PTPRN2: variants seen among roughly 807,000 people sequenced by gnomAD.
The protein encoded by PTPRN2 is receptor-type tyrosine-protein phosphatase N2.
PTPRN2 carries 74 observed loss-of-function variants against 118.8 expected under a neutral mutation model. That is an observed-to-expected ratio of 0.62 (90% confidence interval 0.52 to 0.76). The LOEUF is 0.76. Ranked by LOEUF, PTPRN2 falls within the 30% of genes least tolerant of loss-of-function variation. The pLI, the probability that PTPRN2 is intolerant of heterozygous loss-of-function variation, is 0.00. For synonymous variants in PTPRN2, 641 were observed against 608.0 expected (o/e 1.05, Z -0.80); for missense variants, 1,481 against 1,394.4 (o/e 1.06, Z -0.99).
chr7:157,712,523 G>A (rs1182219963), intron 12 of PTPRN2, among the ~76,000 whole-genome samples: 1 of 152,088 alleles, frequency 6.6e-6, no homozygotes, highest in Non-Finnish European at 1.5e-5. Flanking sequence ...GGCTGAGGCG[G>A]GCGGATCACC....
At chr7:158,439,537 G>A (rs1042723902) in intron 2 of PTPRN2, among the ~76,000 whole-genome samples, 1 of 152,156 alleles carries the variant, frequency 6.6e-6, no homozygotes, top group Non-Finnish European at 1.5e-5. Flanking sequence ...GTAAGATGAG[G>A]AGGAGGAAAC....
intron 11 of PTPRN2, among the ~76,000 whole-genome samples, chr7:158,021,180 C>A (rs779309518): frequency 6.6e-6 from 1 of 152,262 alleles, no homozygotes; most frequent in African/African-American, 2.4e-5. Context: ...GAATTTCCTC[C>A]AATTTGTTGA....
chr7:157,850,774 A>G (rs1809217883), intron 12 of PTPRN2, among the ~76,000 whole-genome samples: 1 of 152,316 alleles, frequency 6.6e-6, no homozygotes, highest in South Asian at 2.1e-4. Context: ...TCTTCACACC[A>G]CAAGCGGCCA....
At chr7:158,487,345 C>CA (rs974683858) in intron 2 of PTPRN2, among the ~76,000 whole-genome samples, 1 of 152,124 alleles carries the variant, frequency 6.6e-6, no homozygotes, top group African/African-American at 2.4e-5. Context: ...TTTAGGAAAC[C>CA]ACCATACTGT....
intron 6 of PTPRN2, among the ~76,000 whole-genome samples, chr7:158,158,228 G>A (rs550066875): frequency 6.6e-6 from 1 of 152,338 alleles, no homozygotes; most frequent in East Asian, 1.9e-4. Flanking sequence ...AGTGACAGAA[G>A]CATTGGTATC....
In PTPRN2 at chr7:158,546,777, G is replaced by A. The variant is rs1324709456; in HGVS notation, c.112+40781C>T. Among the ~76,000 whole-genome samples the A allele has an allele frequency of 6.6e-6, 1 of 152,242 alleles. No homozygotes were observed. The highest frequency in any genetic ancestry group is 1.5e-5 in the Non-Finnish European group (1 of 68,030). Reference sequence around the variant, plus strand: ...CGGCCAGCGCCTGCCAAGTTCTTGTGAGTTGAGCACGTCTCACGTATGCAC... The same window carrying A: ...CGGCCAGCGCCTGCCAAGTTCTTGTAAGTTGAGCACGTCTCACGTATGCAC... On this transcript the variant is annotated intron_variant, in intron 1 of 22. Coordinates refer to ENST00000389418, the MANE Select transcript of PTPRN2 (RefSeq NM_002847.5). The surrounding 1 kb of genome is among the most constrained non-coding windows in gnomAD (Gnocchi z 5.0).
intron 9 of PTPRN2, among the ~76,000 whole-genome samples, chr7:158,124,673 G>A (rs556442600): frequency 1.2e-4 from 19 of 152,292 alleles, no homozygotes; most frequent in Admixed American, 9.2e-4. Context: ...CCTCCCAGAC[G>A]GGACAGGTGC....
At chr7:158,044,574 C>T (rs1048685684) in intron 11 of PTPRN2, among the ~76,000 whole-genome samples, 2 of 151,782 alleles carry the variant, frequency 1.3e-5, no homozygotes, top group South Asian at 2.1e-4. Flanking sequence ...ACAGAGAGCT[C>T]GGGGCCTCGA....
At chr7:157,669,480 G>A in intron 13 of PTPRN2, 1 of 467,254 alleles carries the variant, frequency 2.1e-6, no homozygotes, top group Non-Finnish European at 4.3e-6. Flanking sequence ...CCAAGCCAGG[G>A]CCACAGAGCT....
chr7:158,373,505 G>A (rs1305873253), intron 2 of PTPRN2, among the ~76,000 whole-genome samples: 1 of 152,168 alleles, frequency 6.6e-6, no homozygotes, highest in Non-Finnish European at 1.5e-5. Flanking sequence ...GACCATCTTT[G>A]TATCACACAC....
intron 11 of PTPRN2, 68 bp downstream of exon 11, chr7:158,081,230 G>T: frequency 7.0e-7 from 1 of 1,423,148 alleles, no homozygotes; most frequent in Non-Finnish European, 9.9e-7. Flanking sequence ...GTGCATGTGC[G>T]TGTTTGCGTG....
rs552078195 is a variant in PTPRN2, at chr7:157,726,917, C to T, written c.1789-43980G>A. ...GCACAGGCAGAGGCGCTTGGCGTCA[C>T]CAAAATCATTGGGGAAGCATGATTC... On this transcript the variant is annotated intron_variant, in intron 12 of 22. Coordinates refer to ENST00000389418, the MANE Select transcript of PTPRN2 (RefSeq NM_002847.5). 4.1e-4 allele frequency among the ~76,000 whole-genome samples: 62 copies of T among 152,314 alleles called. No individual in the cohort carries two copies. The South Asian group carries it at 0.011, about 27-fold the overall frequency.
chr7:158,420,040 C>T (rs577868117), intron 2 of PTPRN2, among the ~76,000 whole-genome samples: 2 of 152,302 alleles, frequency 1.3e-5, no homozygotes, highest in African/African-American at 4.8e-5. Flanking sequence ...CAGGACCTGA[C>T]CCCTAAGGTC....
At chr7:158,489,834 G>T (rs763568476) in intron 1 of PTPRN2, 49 bp from the exon 2 acceptor site, 2 of 1,528,656 alleles carry the variant, frequency 1.3e-6, no homozygotes, top group South Asian at 1.2e-5. Context: ...GGAGGAGGGG[G>T]GTGCCCCCGA....
At chr7:158,205,476 G>A (rs926541821) in intron 3 of PTPRN2, among the ~76,000 whole-genome samples, 1 of 152,182 alleles carries the variant, frequency 6.6e-6, no homozygotes, top group Non-Finnish European at 1.5e-5. Context: ...GAAAACTGAT[G>A]CTCTGCTGCA....
In PTPRN2 at chr7:157,587,767, A is replaced by C. The variant is rs1046912615; in HGVS notation, c.2496+7471T>G. 2.6e-5 allele frequency among the ~76,000 whole-genome samples: 4 copies of C among 152,228 alleles called. No individual in the cohort carries two copies. The highest frequency in any genetic ancestry group is 9.6e-5 in the African/African-American group (4 of 41,458). On this transcript the variant is annotated intron_variant, in intron 17 of 22. Transcript: ENST00000389418. This position sits in a 1 kb window ranked among gnomAD's most constrained non-coding sequence, Gnocchi z 5.3. The stretch of plus-strand genomic sequence containing the variant: ...CTGAAAGGCAGCCTGTTCATCAGAC[A>C]GGAGAGGCAAGGCTGAACTTTGGAG...
chr7:157,770,263 G>A (rs933708363), intron 12 of PTPRN2, among the ~76,000 whole-genome samples: 1 of 152,232 alleles, frequency 6.6e-6, no homozygotes, highest in African/African-American at 2.4e-5. Context: ...TATGACTGGA[G>A]GTTTCTGCTG....
At chr7:158,157,606 A>G (rs1003882462) in intron 6 of PTPRN2, among the ~76,000 whole-genome samples, 2 of 152,160 alleles carry the variant, frequency 1.3e-5, no homozygotes, top group Non-Finnish European at 2.9e-5. Context: ...TGCCAGCCAC[A>G]CGCAGGTCCG....
At chr7:158,270,246 G>A (rs998529206) in intron 3 of PTPRN2, among the ~76,000 whole-genome samples, 3 of 152,242 alleles carry the variant, frequency 2.0e-5, no homozygotes, top group Non-Finnish European at 4.4e-5. Flanking sequence ...AGGCTCCACC[G>A]GCCAAGGGCA....
Sources: gnomAD v4.1 joint callset for allele counts (sites outside exome capture counted in the v4.1 genomes callset) on GRCh38, gnomAD v4.1.1 for gene constraint, Gnocchi (gnomAD v3.1) non-coding constraint, MANE v1.5 for transcripts, NCBI Gene and HGNC (gene_info 2026-07-23, HGNC 2026-07-21) for gene names.